MARCHF3: variants seen among roughly 807,000 people sequenced by gnomAD.
MARCHF3 encodes the protein membrane associated ring-CH-type finger 3.
Under a neutral mutation model 24.2 loss-of-function variants are expected in MARCHF3, and 13 were observed. The observed-to-expected ratio is 0.54, with a 90% CI of 0.35 to 0.85. The LOEUF is 0.85. Among genes scored for constraint, MARCHF3 ranks in the 40% least tolerant of loss-of-function variants. MARCHF3 has a pLI of 0.01. For missense variants in MARCHF3, 276 were observed against 325.0 expected (o/e 0.85, Z 1.16); for synonymous variants, 144 against 137.3 (o/e 1.05, Z -0.34).
chr5:126,993,961 A>T (rs184195489), intron 1 of MARCHF3, among the ~76,000 whole-genome samples: 2 of 152,374 alleles, frequency 1.3e-5, no homozygotes, highest in African/African-American at 4.8e-5. Flanking sequence ...GTTCAGCAGC[A>T]TCTTAGAGAG....
At chr5:126,946,120 C>T (rs1198939521) in intron 1 of MARCHF3, among the ~76,000 whole-genome samples, 1 of 152,006 alleles carries the variant, frequency 6.6e-6, no homozygotes, top group Non-Finnish European at 1.5e-5. Context: ...CCTGCAATCC[C>T]AGCACTTTGG....
At chr5:126,895,998 G>A (rs1418301791) in intron 3 of MARCHF3, among the ~76,000 whole-genome samples, 1 of 152,152 alleles carries the variant, frequency 6.6e-6, no homozygotes, top group Non-Finnish European at 1.5e-5. Flanking sequence ...AGCCAGGTGC[G>A]GGATATAATC....
intron 3 of MARCHF3, among the ~76,000 whole-genome samples, chr5:126,878,607 A>G (rs1205885301): frequency 1.3e-5 from 2 of 152,240 alleles, no homozygotes; most frequent in African/African-American, 4.8e-5. Flanking sequence ...ATAATAATTT[A>G]TAGTGTCCTT....
chr5:126,975,267 A>G lies in MARCHF3; in HGVS notation c.-57+55083T>C, dbSNP rs192364148. On this transcript the variant is annotated intron_variant, in intron 1 of 4. Transcript: ENST00000308660. ...ACTGGGCCTGGCTGAAGTGGGATATAATATTGTAACAATGAAATTTTACTA... is the reference window on the plus strand; with the variant it reads ...ACTGGGCCTGGCTGAAGTGGGATATGATATTGTAACAATGAAATTTTACTA... Among the ~76,000 whole-genome samples, 559 of 152,344 alleles carry G rather than the reference A, an allele frequency of 3.7e-3. 4 individuals carry two copies. Among genetic ancestry groups the G allele is most frequent in the African/African-American group, 0.013 (532 of 41,576 alleles).
At chr5:126,962,709 C>A (rs1335480023) in intron 1 of MARCHF3, among the ~76,000 whole-genome samples, 4 of 151,952 alleles carry the variant, frequency 2.6e-5, no homozygotes, top group African/African-American at 9.7e-5. Context: ...TAGGTCTCAT[C>A]CCCAAGATAT....
At chr5:126,979,482 T>G (rs1376361837) in intron 1 of MARCHF3, among the ~76,000 whole-genome samples, 2 of 152,184 alleles carry the variant, frequency 1.3e-5, no homozygotes, top group Non-Finnish European at 2.9e-5. Flanking sequence ...TAAATCTTGT[T>G]AAGGGAATGA....
At chr5:126,972,699 C>T (rs1056462029) in intron 1 of MARCHF3, among the ~76,000 whole-genome samples, 2 of 152,174 alleles carry the variant, frequency 1.3e-5, no homozygotes, top group Non-Finnish European at 2.9e-5. Context: ...TCAAGAGCTA[C>T]GTGGAGGAAG....
At chr5:126,872,965 C>T (rs922243043) in intron 4 of MARCHF3, among the ~76,000 whole-genome samples, 8 of 151,808 alleles carry the variant, frequency 5.3e-5, no homozygotes, top group East Asian at 1.9e-4. Context: ...GGGCCAACAG[C>T]GGGAAAGAGG....
intron 1 of MARCHF3, among the ~76,000 whole-genome samples, chr5:126,923,341 T>G (rs558384205): frequency 6.6e-6 from 1 of 152,274 alleles, no homozygotes; most frequent in East Asian, 1.9e-4. Flanking sequence ...AGAACGACAT[T>G]TTCAGTGCCA....
intron 1 of MARCHF3, among the ~76,000 whole-genome samples, chr5:126,924,122 A>T (rs566570238): frequency 6.6e-6 from 1 of 152,270 alleles, no homozygotes; most frequent in African/African-American, 2.4e-5. Context: ...GCACTTTTCC[A>T]CAATCAATCA....
In MARCHF3 at chr5:126,868,795, T is replaced by C. The variant is rs552673967; in HGVS notation, c.*1838A>G. 6.6e-6 allele frequency: 1 copy of C among 152,358 alleles called. No individual in the cohort carries two copies. Among genetic ancestry groups the C allele is most frequent in the East Asian group, 1.9e-4 (1 of 5,182 alleles). The allele number at this position is 152,358 out of a possible 1,614,324, so 9.4% of individuals were successfully genotyped here. On this transcript the variant is annotated 3_prime_UTR_variant, in exon 5 of 5. Coordinates refer to ENST00000308660, the MANE Select transcript of MARCHF3 (RefSeq NM_178450.5). ...GGCTGCAATTCACCAGCTACCAAGT[T>C]GGACTCTTTGCTCTGGAAATTTAAT... is the stretch of plus-strand genomic sequence containing the variant.
At chr5:127,000,017 T>C (rs1437365658) in intron 1 of MARCHF3, among the ~76,000 whole-genome samples, 1 of 149,102 alleles carries the variant, frequency 6.7e-6, no homozygotes, top group African/African-American at 2.4e-5. Flanking sequence ...TAAAGTACAT[T>C]AGAATATATA....
chr5:126,971,485 G>A (rs913734584), intron 1 of MARCHF3, among the ~76,000 whole-genome samples: 1 of 150,236 alleles, frequency 6.7e-6, no homozygotes, highest in Non-Finnish European at 1.5e-5. Context: ...AAAAACAAAT[G>A]TTCTATGTTG....
At chr5:126,924,371 A>G (rs1749225494) in intron 1 of MARCHF3, among the ~76,000 whole-genome samples, 1 of 152,202 alleles carries the variant, frequency 6.6e-6, no homozygotes, top group Admixed American at 6.5e-5. Flanking sequence ...AATGAGACCA[A>G]TGAATGGACA....
intron 1 of MARCHF3, among the ~76,000 whole-genome samples, chr5:126,969,285 TGGA>T (rs1313400181): frequency 6.6e-6 from 1 of 152,230 alleles, no homozygotes; most frequent in East Asian, 1.9e-4. Flanking sequence ...ATATATATGT[TGGA>T]TGATTGGAAC....
intron 1 of MARCHF3, among the ~76,000 whole-genome samples, chr5:127,014,106 G>T (rs894492217): frequency 7.2e-5 from 11 of 152,110 alleles, no homozygotes; most frequent in Admixed American, 6.6e-5. Context: ...TTAACCAAGT[G>T]AACCAATAAC....
At chr5:126,961,846 G>A (rs1750647828) in intron 1 of MARCHF3, among the ~76,000 whole-genome samples, 1 of 152,152 alleles carries the variant, frequency 6.6e-6, no homozygotes, top group African/African-American at 2.4e-5. Flanking sequence ...CTCACTCTAG[G>A]TGGAGCTTGT....
chr5:126,920,629 G>A (rs1469616426), intron 1 of MARCHF3, among the ~76,000 whole-genome samples: 3 of 152,122 alleles, frequency 2.0e-5, no homozygotes, highest in Non-Finnish European at 4.4e-5. Flanking sequence ...TAAGGAGGGG[G>A]TGCGCAGAGT....
chr5:126,986,293 C>CTTA (rs1302206645), intron 1 of MARCHF3, among the ~76,000 whole-genome samples: 2 of 152,136 alleles, frequency 1.3e-5, no homozygotes, highest in Non-Finnish European at 2.9e-5. Flanking sequence ...CAAAAGTGGG[C>CTTA]AGGGAGTTAA....
Sources: gnomAD v4.1 joint callset for allele counts (sites outside exome capture counted in the v4.1 genomes callset) on GRCh38, gnomAD v4.1.1 for gene constraint, MANE v1.5 for transcripts, NCBI Gene and HGNC (gene_info 2026-07-23, HGNC 2026-07-21) for gene names.